RYR2: variants seen among roughly 807,000 people sequenced by gnomAD.
The protein encoded by RYR2 is cardiac muscle ryanodine receptor-calcium release channel.
RYR2 carries 227 observed loss-of-function variants against 601.1 expected under a neutral mutation model. The observed-to-expected ratio is 0.38, with a 90% CI of 0.34 to 0.42. The LOEUF (loss-of-function observed/expected upper bound fraction) is 0.42. RYR2 is among the 10% of genes least tolerant of loss of function. The probability of loss-of-function intolerance (pLI) is 1.00; values close to 1 mark genes in which losing one functional copy is unlikely to be tolerated. For synonymous variants in RYR2, 2,223 were observed against 2,175.1 expected, an observed-to-expected ratio of 1.02 and a Z score of -0.61; for missense variants, 4,646 against 6,156.5, an observed-to-expected ratio of 0.75 and a Z score of 8.21.
chr1:237,527,016 A>G (rs910014818), intron 24 of RYR2, among the ~76,000 whole-genome samples: 3 of 152,290 alleles, frequency 2.0e-5, no homozygotes, highest in Middle Eastern at 3.4e-3. Context: ...ATTCTTCCGC[A>G]TATGGCTAGC....
At chr1:237,693,147 T>G (rs1259581493) in intron 63 of RYR2, among the ~76,000 whole-genome samples, 1 of 152,082 alleles carries the variant, frequency 6.6e-6, no homozygotes, top group Non-Finnish European at 1.5e-5. Flanking sequence ...TTGTTTATTT[T>G]GCTTAAGAGA....
intron 72 of RYR2, among the ~76,000 whole-genome samples, chr1:237,717,732 C>A (rs1021900754): frequency 6.6e-6 from 1 of 152,068 alleles, no homozygotes; most frequent in East Asian, 1.9e-4. Flanking sequence ...ATATATTGTG[C>A]CAACTGTGGG....
At chr1:237,599,987 T>A (rs116326782) in intron 34 of RYR2, among the ~76,000 whole-genome samples, 1,792 of 152,222 alleles carry the variant, frequency 0.012, 28 homozygotes, top group African/African-American at 0.04. Flanking sequence ...ATTATTAAAA[T>A]GTCCATAGTA....
At position 237,612,539 on chromosome 1, in the gene RYR2, G is replaced by A. The variant is rs527915847; in HGVS notation, c.4911-1500G>A. Among the ~76,000 whole-genome samples, 376 of 152,054 alleles carry A rather than the reference G, an allele frequency of 2.5e-3. 4 individuals carry two copies. Among genetic ancestry groups the A allele is most frequent in the African/African-American group, 8.7e-3 (359 of 41,488 alleles). On this transcript the variant is annotated intron_variant, in intron 36 of 104. Transcript: ENST00000366574. ...TATGTATTTACATTTTTTACATGAG[G>A]TAATTAGATATCTTTCATAATGTAC...
At chr1:237,506,150 C>T (rs1468553922) in intron 22 of RYR2, among the ~76,000 whole-genome samples, 4 of 130,404 alleles carry the variant, frequency 3.1e-5, no homozygotes, top group Non-Finnish European at 5.0e-5. Context: ...TTGGTTGTCC[C>T]CACCAACACT....
chr1:237,594,885 G>GGTTTTTTTTTTGTTTTTTTT (rs1675637767), intron 33 of RYR2, among the ~76,000 whole-genome samples: 4 of 79,044 alleles, frequency 5.1e-5, no homozygotes, highest in African/African-American at 2.2e-4. Flanking sequence ...AATATCACTG[G>GGTTTTTTTTTTGTTTTTTTT]GTTTTTTTTT....
chr1:237,760,823 G>GAGACATGTAATGAATGA (rs1367935018), intron 83 of RYR2, 132 bp from the exon 84 acceptor site: 9 of 658,502 alleles, frequency 1.4e-5, no homozygotes, highest in Admixed American at 8.4e-5. Context: ...GCAATGAATG[G>GAGACATGTAATGAATGA]AGACATGTTT....
intron 73 of RYR2, 76 bp from the exon 74 acceptor site, chr1:237,723,052 C>A: frequency 7.8e-7 from 1 of 1,282,776 alleles, no homozygotes; most frequent in Non-Finnish European, 1.1e-6. Context: ...GATGGGTGGA[C>A]TCTTCCTATC....
intron 1 of RYR2, among the ~76,000 whole-genome samples, chr1:237,194,562 G>A (rs188608826): frequency 3.7e-4 from 57 of 152,304 alleles, no homozygotes; most frequent in African/African-American, 1.4e-3. Context: ...AGGTGCTGGG[G>A]TGACAGAGTT....
chr1:237,656,369 G>C (rs1683248822), intron 53 of RYR2, among the ~76,000 whole-genome samples: 2 of 152,114 alleles, frequency 1.3e-5, no homozygotes, highest in African/African-American at 4.8e-5. Flanking sequence ...AGCTGTTTCT[G>C]CGAGTAGCAA....
intron 12 of RYR2, among the ~76,000 whole-genome samples, chr1:237,426,396 C>G (rs1185628633): frequency 2.0e-5 from 3 of 152,110 alleles, no homozygotes; most frequent in Admixed American, 6.5e-5. Flanking sequence ...TGCTCCTTGT[C>G]TCTGTAACTG....
At chr1:237,245,475 G>A (rs139052275) in intron 1 of RYR2, among the ~76,000 whole-genome samples, 36 of 152,234 alleles carry the variant, frequency 2.4e-4, no homozygotes, top group African/African-American at 7.9e-4. Context: ...GGGTGAGAAC[G>A]CGTAGGGAAA....
rs138393308 is a variant in RYR2, at chr1:237,257,160, A to C, written c.49-13337A>C. ...TGATTTGATATCATTGTAGGAGACA[A>C]TATAGTCTTGAGGCTAGGAGCATAG... On this transcript the variant is annotated intron_variant, in intron 1 of 104. Coordinates refer to ENST00000366574, the MANE Select transcript of RYR2 (RefSeq NM_001035.3). Among the ~76,000 whole-genome samples, 429 of 152,286 alleles carry C rather than the reference A, an allele frequency of 2.8e-3. 1 individual carries two copies. Among genetic ancestry groups the C allele is most frequent in the African/African-American group, 9.5e-3 (394 of 41,560 alleles).
chr1:237,730,038 G>A (rs181849021), intron 76 of RYR2, among the ~76,000 whole-genome samples: 1 of 152,264 alleles, frequency 6.6e-6, no homozygotes, highest in Admixed American at 6.5e-5. Flanking sequence ...CTTGACCAAT[G>A]TTACAAAGCT....
chr1:237,245,178 C>T (rs1686682250), intron 1 of RYR2, among the ~76,000 whole-genome samples: 1 of 151,564 alleles, frequency 6.6e-6, no homozygotes, highest in South Asian at 2.1e-4. Flanking sequence ...GATAGTGTCA[C>T]TGGACTCCAG....
chr1:237,762,694 C>T (rs566500823), intron 84 of RYR2, among the ~76,000 whole-genome samples: 1 of 152,298 alleles, frequency 6.6e-6, no homozygotes, highest in East Asian at 1.9e-4. Context: ...TGTGAGAATT[C>T]TTTATATCTC....
chr1:237,417,223 CA>C, intron 11 of RYR2, 100 bp downstream of exon 11: 1 of 864,640 alleles, frequency 1.2e-6, no homozygotes, highest in East Asian at 2.6e-5. Context: ...CTACAGCAAG[CA>C]AGCGAACAAA....
chr1:237,512,141 G>C (rs1030807763), intron 24 of RYR2, among the ~76,000 whole-genome samples: 2 of 152,132 alleles, frequency 1.3e-5, no homozygotes, highest in Non-Finnish European at 2.9e-5. Flanking sequence ...TTACTGGTTT[G>C]TGACTAAATA....
intron 102 of RYR2, among the ~76,000 whole-genome samples, chr1:237,829,880 G>A (rs1663578309): frequency 6.6e-6 from 1 of 152,072 alleles, no homozygotes; most frequent in East Asian, 1.9e-4. Flanking sequence ...ACCTAAGCAG[G>A]TGCCCCTCTA....
Sources: gnomAD v4.1 joint callset for allele counts (sites outside exome capture counted in the v4.1 genomes callset) on GRCh38, gnomAD v4.1.1 for gene constraint, MANE v1.5 for transcripts, NCBI Gene and HGNC (gene_info 2026-07-23, HGNC 2026-07-21) for gene names.